The following ARHGEF17 variants were observed in gnomAD, a reference collection of about 807,000 sequenced individuals.
ARHGEF17 encodes Rho guanine nucleotide exchange factor 17.
Under a neutral mutation model 174.0 loss-of-function variants are expected in ARHGEF17, and 80 were observed. The observed-to-expected ratio is 0.46, with a 90% CI of 0.38 to 0.55. The LOEUF (loss-of-function observed/expected upper bound fraction) is 0.55. Ranked by LOEUF, ARHGEF17 falls within the 20% of genes least tolerant of loss-of-function variation. The pLI, the probability that ARHGEF17 is intolerant of heterozygous loss-of-function variation, is 0.00. For synonymous variants in ARHGEF17, 1,311 were observed against 1,189.1 expected (o/e 1.10, Z -2.11); for missense variants, 2,886 against 2,839.7 (o/e 1.02, Z -0.37).
intron 1 of ARHGEF17, 87 bp downstream of exon 1, chr11:73,311,917 C>T (rs1029943812): frequency 1.5e-5 from 22 of 1,442,632 alleles, no homozygotes; most frequent in Admixed American, 7.4e-5. Context: ...ATTGTATTCA[C>T]TGGTCAGGTG....
intron 1 of ARHGEF17, among the ~76,000 whole-genome samples, chr11:73,329,638 G>A (rs891471669): frequency 2.6e-5 from 4 of 151,766 alleles, no homozygotes; most frequent in Non-Finnish European, 5.9e-5. Flanking sequence ...GACTTCAGGC[G>A]ATCCGCCTGC....
chr11:73,325,987 G>A (rs1263863417), intron 1 of ARHGEF17, among the ~76,000 whole-genome samples: 1 of 152,244 alleles, frequency 6.6e-6, no homozygotes, highest in Non-Finnish European at 1.5e-5. Flanking sequence ...TTTCTAACTA[G>A]TCTTGGATAA....
In ARHGEF17 at chr11:73,310,472, G is replaced by A; in HGVS notation, c.1834G>A (p.Gly612Arg). ...IQRMGAQQDD[G>R]SDAPPGSPDW... is the part of the protein sequence containing the mutation. ...GCGCATGGGTGCCCAACAAGATGAT[G>A]GAAGCGATGCCCCCCCTGGAAGCCC... The change falls in exon 1 of 21, where the codon GGA becomes AGA. Residue 612 changes from glycine to arginine, a missense_variant. Physicochemically the swap from Gly to Arg is moderately radical, Grantham distance 125. Transcript: ENST00000263674. The A allele has an allele frequency of 1.2e-6, 2 of 1,614,032 alleles. No individual in the cohort carries two copies. Among genetic ancestry groups the A allele is most frequent in the Non-Finnish European group, 1.7e-6 (2 of 1,180,042 alleles).
intron 1 of ARHGEF17, among the ~76,000 whole-genome samples, chr11:73,322,863 G>A (rs1469150022): frequency 6.6e-6 from 1 of 152,132 alleles, no homozygotes; most frequent in East Asian, 1.9e-4. Context: ...GAGGGTGCGG[G>A]AACATGAGTA....
rs763255202 is a variant in ARHGEF17, at chr11:73,362,632, C to G, written c.4894C>G (p.Leu1632Val). Residue 1632 changes from leucine to valine, a missense_variant, in exon 14 of 21, where the codon CTG (leucine) becomes GTG (valine). Leu to Val is a conservative substitution (Grantham distance 32). Coordinates refer to ENST00000263674, the MANE Select transcript of ARHGEF17 (RefSeq NM_014786.4). The stretch of plus-strand genomic sequence containing the variant: ...CGGCGAGGGTGACCCCCGCCCAGAG[C>G]TGGTGCCCTTTGACAGTGACTCTGA... The part of the protein sequence containing the change: ...GLGEGDPRPE[L>V]VPFDSDSDDE... 1 of 1,611,624 alleles carries G rather than the reference C, an allele frequency of 6.2e-7. No homozygotes were observed. The highest frequency in any genetic ancestry group is 8.5e-7 in the Non-Finnish European group (1 of 1,180,022).
Position 73,367,609 on chromosome 11 carries a change from G to T in ARHGEF17, c.6021G>T (p.Glu2007Asp). The T allele has an allele frequency of 1.9e-6, 3 of 1,613,470 alleles. No individual in the cohort carries two copies. In the South Asian group the frequency reaches 3.3e-5, roughly 18 times the overall value. The change falls in exon 21 of 21, where the codon GAG (glutamate) becomes GAT (aspartate). Residue 2007 changes from glutamate (E) to aspartate (D), a missense_variant. This residue lies in a region of ARHGEF17 where 329 missense variants were observed against 435.2 expected (regional missense o/e 0.76). Transcript: ENST00000263674. ...DTGPEKLPSL[E>D]HRDSPWHRGP... ...GCCCCGAGAAGCTGCCATCACTGGAGCACCGGGACTCCCCTTGGCACCGAG... is the reference window on the plus strand; with the variant it reads ...GCCCCGAGAAGCTGCCATCACTGGATCACCGGGACTCCCCTTGGCACCGAG...
chr11:73,335,059 C>G (rs1338193992), intron 1 of ARHGEF17, among the ~76,000 whole-genome samples: 1 of 152,174 alleles, frequency 6.6e-6, no homozygotes, highest in Non-Finnish European at 1.5e-5. Flanking sequence ...TCATCTCATT[C>G]ATAGGTTTTA....
Position 73,362,023 on chromosome 11 carries a change from A to T in ARHGEF17, c.4495-17A>T. On this transcript the variant is annotated splice_polypyrimidine_tract_variant and intron_variant, in intron 12 of 20. Coordinates refer to ENST00000263674, the MANE Select transcript of ARHGEF17 (RefSeq NM_014786.4). The stretch of plus-strand genomic sequence containing the variant: ...TTCCTCCATTCACCTTCTCCTGTCC[A>T]TTGGCGCCTCCTGCAGTTCTCCTGT... The T allele has an allele frequency of 6.2e-7, 1 of 1,607,422 alleles. No individual in the cohort carries two copies.
rs768144510 is a variant in ARHGEF17 at position 73,364,613 on chromosome 11, G to C, written c.5550+13G>C. On this transcript the variant is annotated intron_variant, in intron 18 of 20. Transcript: ENST00000263674. ...GCTGCAGCTGGAGGTAGCAGGGGGTGGGGGAATGGAATTGGTGCCATGGGA... is the reference window on the plus strand; with the variant it reads ...GCTGCAGCTGGAGGTAGCAGGGGGTCGGGGAATGGAATTGGTGCCATGGGA... 2 of 1,600,946 alleles carry C rather than the reference G, an allele frequency of 1.2e-6. No homozygotes were observed. The highest frequency in any genetic ancestry group is 2.7e-5 in the African/African-American group (2 of 74,130).
chr11:73,348,269 G>C (rs970737061), intron 2 of ARHGEF17, among the ~76,000 whole-genome samples: 3 of 152,100 alleles, frequency 2.0e-5, no homozygotes, highest in Non-Finnish European at 4.4e-5. Flanking sequence ...CCCCTTCTGC[G>C]CTCCAGGTAG....
chr11:73,345,325 G>A (rs900859712), intron 1 of ARHGEF17, among the ~76,000 whole-genome samples: 3 of 152,100 alleles, frequency 2.0e-5, no homozygotes, highest in Admixed American at 1.3e-4. Flanking sequence ...TGGCAAGGAT[G>A]GGGAGAGCCA....
chr11:73,321,494 G>C (rs1342009675), intron 1 of ARHGEF17, among the ~76,000 whole-genome samples: 1 of 152,234 alleles, frequency 6.6e-6, no homozygotes, highest in Non-Finnish European at 1.5e-5. Context: ...CCCTTGCCGG[G>C]TGATATTAAC....
At chr11:73,337,472 T>C (rs1865305292) in intron 1 of ARHGEF17, among the ~76,000 whole-genome samples, 1 of 151,342 alleles carries the variant, frequency 6.6e-6, no homozygotes, top group Non-Finnish European at 1.5e-5. Flanking sequence ...TACCTGAAGA[T>C]GATTATGAGG....
Position 73,362,105 on chromosome 11 carries a change from C to T in ARHGEF17, c.4560C>T (p.Asn1520=). 1 of 1,612,734 alleles carries T rather than the reference C, an allele frequency of 6.2e-7. No homozygotes were observed. Among genetic ancestry groups the T allele is most frequent in the African/African-American group, 1.3e-5 (1 of 75,060 alleles). ...CCTCGCCTGAGGTATGGGTCTGCAA[C>T]AGCGACGGCTACGTGGGCCAGGTGT... ...PEPSPEVWVC[N]SDGYVGQVCL... Residue 1520 remains asparagine, a synonymous_variant, in exon 13 of 21, where the codon AAC becomes AAT. Coordinates refer to ENST00000263674, the MANE Select transcript of ARHGEF17 (RefSeq NM_014786.4).
chr11:73,343,015 G>A lies in ARHGEF17; in HGVS notation c.3193-3868G>A, dbSNP rs1591744579. 3 of 252,508 alleles carry A rather than the reference G, an allele frequency of 1.2e-5. No homozygotes were observed. In the East Asian group the frequency reaches 2.2e-4, roughly 19 times the overall value. 15.6% of individuals were successfully genotyped at this position (252,508 alleles called of 1,614,324 possible). ...AACTGACCACCGCGACCGCCACTGC[G>A]GCTGCCGCCGCGGCCGGGCTGAGCC... On this transcript the variant is annotated intron_variant, in intron 1 of 20. Transcript: ENST00000263674.
In ARHGEF17 at chr11:73,352,811, G is replaced by C. The variant is rs773659399; in HGVS notation, c.3271-19G>C. The C allele has an allele frequency of 6.2e-7, 1 of 1,613,360 alleles. No individual in the cohort carries two copies. Among genetic ancestry groups the C allele is most frequent in the African/African-American group, 1.3e-5 (1 of 75,020 alleles). On this transcript the variant is annotated intron_variant, in intron 2 of 20. Transcript: ENST00000263674. Reference sequence around the variant, plus strand: ...CGGCATCTCTGAGGGAGTGTGCACCGACCCTGTGGGTCCTTCAGGGCTACA... The same window carrying C: ...CGGCATCTCTGAGGGAGTGTGCACCCACCCTGTGGGTCCTTCAGGGCTACA...
chr11:73,362,614 G>C lies in ARHGEF17; in HGVS notation c.4876G>C (p.Gly1626Arg). The C allele has an allele frequency of 6.2e-7, 1 of 1,611,308 alleles. No individual in the cohort carries two copies. Among genetic ancestry groups the C allele is most frequent in the Non-Finnish European group, 8.5e-7 (1 of 1,179,990 alleles). ...GLEMTPGLGEGDPRPELVPFD... is the reference protein window; with the variant it reads ...GLEMTPGLGERDPRPELVPFD... ...GGAGATGACGCCGGGCCTCGGCGAG[G>C]GTGACCCCCGCCCAGAGCTGGTGCC... Residue 1626 changes from glycine (G) to arginine (R), a missense_variant, in exon 14 of 21, where the codon GGT (glycine) becomes CGT (arginine). Transcript: ENST00000263674.
intron 15 of ARHGEF17, 114 bp from the exon 16 acceptor site, chr11:73,363,633 T>C: frequency 6.6e-7 from 1 of 1,509,064 alleles, no homozygotes; most frequent in Non-Finnish European, 9.1e-7. Flanking sequence ...CCTCAGTACC[T>C]TGGGCAGGCA....
rs771412159 is a variant in ARHGEF17 at position 73,352,902 on chromosome 11, G to A, written c.3343G>A (p.Asp1115Asn). 9.3e-6 allele frequency: 15 copies of A among 1,613,982 alleles called. No homozygotes were observed. The highest frequency in any genetic ancestry group is 8.8e-5 in the South Asian group (8 of 91,080). Residue 1115 changes from aspartate (D) to asparagine (N), a missense_variant, in exon 3 of 21, where the codon GAC (aspartate) becomes AAC (asparagine). Physicochemically the swap from Asp to Asn is conservative, Grantham distance 23. This residue lies in a region of ARHGEF17 where 353 missense variants were observed against 470.3 expected (regional missense o/e 0.75). Coordinates refer to ENST00000263674, the MANE Select transcript of ARHGEF17 (RefSeq NM_014786.4). ...CCCTTCACTGGTGGACGAGATCTTC[G>A]ACCAGATCCCCGAGCTCCTGGAGCA... is the stretch of plus-strand genomic sequence containing the variant. The part of the protein sequence containing the change: ...CDPSLVDEIF[D>N]QIPELLEHHE...
Sources: allele counts gnomAD v4.1 joint callset (sites outside exome capture counted in the v4.1 genomes callset), GRCh38; gene constraint gnomAD v4.1.1; regional missense constraint gnomAD v4.1.1; transcripts MANE v1.5; gene names NCBI Gene and HGNC (gene_info 2026-07-23, HGNC 2026-07-21).